HECTD4: variants seen among roughly 807,000 people sequenced by gnomAD.
HECTD4 encodes HECT domain E3 ubiquitin protein ligase 4.
HECTD4 carries 114 observed loss-of-function variants against 471.5 expected under a neutral mutation model. That is an observed-to-expected ratio of 0.24 (90% confidence interval 0.21 to 0.28). HECTD4 has a LOEUF of 0.28. Ranked by LOEUF, HECTD4 falls within the 10% of genes least tolerant of loss-of-function variation. The pLI is 1.00. For missense variants in HECTD4, 3,866 were observed against 5,651.5 expected (o/e 0.68, Z 10.13); for synonymous variants, 2,012 against 2,256.0 (o/e 0.89, Z 3.07).
chr12:112,171,067 G>C (rs756125594), intron 68 of HECTD4, 50 bp downstream of exon 68: 2 of 1,510,928 alleles, frequency 1.3e-6, no homozygotes, highest in Non-Finnish European at 1.8e-6. Flanking sequence ...CTGGTGTCTT[G>C]CAGGTCACCT....
At position 112,328,745 on chromosome 12, in the gene HECTD4, T is replaced by G. The variant is rs567265290; in HGVS notation, c.178-9003A>C. ...ATCCAACTTGGAAATATGTGTTTAT[T>G]CAAACTCACTTTTCAACATCTCTTA... On this transcript the variant is annotated intron_variant, in intron 1 of 75. Transcript: ENST00000682272. Among the ~76,000 whole-genome samples the G allele has an allele frequency of 6.6e-5, 10 of 152,332 alleles. No individual in the cohort carries two copies. The South Asian group carries it at 2.1e-3, about 32-fold the overall frequency.
At chr12:112,289,231 C>T (rs1215101769) in intron 7 of HECTD4, among the ~76,000 whole-genome samples, 1 of 152,142 alleles carries the variant, frequency 6.6e-6, no homozygotes, top group Non-Finnish European at 1.5e-5. Context: ...TACTTACTAG[C>T]TGAGACTACA....
At chr12:112,182,382 AT>A (rs1288616943) in intron 62 of HECTD4, among the ~76,000 whole-genome samples, 22 of 138,306 alleles carry the variant, frequency 1.6e-4, no homozygotes, top group African/African-American at 6.0e-4. Context: ...AAAAAGAGGA[AT>A]TAAAAAAAAA....
intron 41 of HECTD4, among the ~76,000 whole-genome samples, 176 bp downstream of exon 41, chr12:112,229,522 G>A (rs1269497139): frequency 6.6e-6 from 1 of 152,218 alleles, no homozygotes; most frequent in Non-Finnish European, 1.5e-5. Context: ...TCTGAATAAT[G>A]TGTGGCACAG....
chr12:112,167,795 C>T lies in HECTD4; in HGVS notation c.12312+19G>A. 6.2e-7 allele frequency: 1 copy of T among 1,603,606 alleles called. No individual in the cohort carries two copies. The highest frequency in any genetic ancestry group is 8.5e-7 in the Non-Finnish European group (1 of 1,170,658). ...ACATGAGCTCGGGGGCGTGGAGCCTCCTCCCGGCCTCTGCCTACCTTGTTC... is the reference window on the plus strand; with the variant it reads ...ACATGAGCTCGGGGGCGTGGAGCCTTCTCCCGGCCTCTGCCTACCTTGTTC... On this transcript the variant is annotated intron_variant, in intron 71 of 75. Transcript: ENST00000682272.
chr12:112,328,190 G>T (rs1019426982), intron 1 of HECTD4, among the ~76,000 whole-genome samples: 3 of 151,766 alleles, frequency 2.0e-5, no homozygotes, highest in African/African-American at 7.3e-5. Flanking sequence ...CCAGGCTGGA[G>T]TGCAGTGGTG....
intron 1 of HECTD4, among the ~76,000 whole-genome samples, chr12:112,334,034 C>G (rs1403897127): frequency 6.6e-6 from 1 of 151,758 alleles, no homozygotes; most frequent in African/African-American, 2.4e-5. Context: ...TATGGTGAAA[C>G]CCCATCTCTA....
chr12:112,319,783 T>C lies in HECTD4; in HGVS notation c.178-41A>G, dbSNP rs2035548772. 1 of 1,221,910 alleles carries C rather than the reference T, an allele frequency of 8.2e-7. No individual in the cohort carries two copies. Among genetic ancestry groups the C allele is most frequent in the Non-Finnish European group, 1.0e-6 (1 of 975,842 alleles). The allele number at this position is 1,221,910 out of a possible 1,614,324, so 75.7% of individuals were successfully genotyped here. A position where few individuals can be genotyped will look rare whatever the true frequency, so the allele number is the denominator to read the frequency against. ...ATGGAGAAGTGGGTAAATATTACTT[T>C]CACCAAAGTCATCTAAGGAAGAAAA... On this transcript the variant is annotated intron_variant, in intron 1 of 75. Transcript: ENST00000682272. The surrounding 1 kb of genome is among the most constrained non-coding windows in gnomAD (Gnocchi z 5.3).
chr12:112,369,024 G>A (rs1003107288), intron 1 of HECTD4, among the ~76,000 whole-genome samples: 9 of 152,086 alleles, frequency 5.9e-5, no homozygotes, highest in African/African-American at 9.7e-5. Context: ...CAGCTCCCTC[G>A]CTCTCCTGGT....
Position 112,228,745 on chromosome 12 carries a change from C to T in HECTD4, c.6586G>A (p.Ala2196Thr). The change falls in exon 42 of 76, where the codon GCT (alanine) becomes ACT (threonine). Residue 2196 changes from alanine (A) to threonine (T), a missense_variant. Coordinates refer to ENST00000682272, the MANE Select transcript of HECTD4 (RefSeq NM_001388303.1). This position sits in a 1 kb window ranked among gnomAD's most constrained non-coding sequence, Gnocchi z 4.9. ...TCTATGGGTGGGAATCTGACTGTAG[C>T]TATACCTTCCTGTTCATTGATAGAA... ...VASINEQEGI[A>T]TVRFPPIDCR... 1 of 1,613,670 alleles carries T rather than the reference C, an allele frequency of 6.2e-7. No homozygotes were observed. Among genetic ancestry groups the T allele is most frequent in the Non-Finnish European group, 8.5e-7 (1 of 1,179,754 alleles).
At chr12:112,279,152 A>C in intron 9 of HECTD4, 76 bp downstream of exon 9, 1 of 1,319,108 alleles carries the variant, frequency 7.6e-7, no homozygotes. Context: ...GTAAGTTTTA[A>C]ATAATTAATA....
intron 29 of HECTD4, 87 bp downstream of exon 29, chr12:112,246,814 C>CA (rs1463400684): frequency 2.4e-6 from 3 of 1,232,340 alleles, no homozygotes; most frequent in East Asian, 5.5e-5. Flanking sequence ...GTGAATTTTT[C>CA]AAAATATAGC....
intron 1 of HECTD4, among the ~76,000 whole-genome samples, chr12:112,327,311 C>T (rs1030005112): frequency 6.6e-6 from 1 of 151,960 alleles, no homozygotes; most frequent in Non-Finnish European, 1.5e-5. Flanking sequence ...AGCAAAACTC[C>T]ATCTCGGGGA....
chr12:112,356,061 T>C (rs1404035871), intron 1 of HECTD4, among the ~76,000 whole-genome samples: 1 of 152,196 alleles, frequency 6.6e-6, no homozygotes, highest in Non-Finnish European at 1.5e-5. Context: ...TCCTTTATCC[T>C]TAAATTGAGA....
chr12:112,244,123 C>A, intron 29 of HECTD4, 114 bp from the exon 30 acceptor site: 2 of 1,044,636 alleles, frequency 1.9e-6, no homozygotes, highest in Non-Finnish European at 1.4e-6. Flanking sequence ...CACAGTTCAG[C>A]CACCAATCTA....
chr12:112,278,524 T>C (rs1383980307), intron 9 of HECTD4, among the ~76,000 whole-genome samples: 1 of 152,260 alleles, frequency 6.6e-6, no homozygotes. Context: ...ACATTTGCTT[T>C]TCTATGTCTT....
intron 29 of HECTD4, among the ~76,000 whole-genome samples, chr12:112,246,686 G>T (rs2033770574): frequency 1.3e-5 from 2 of 152,110 alleles, no homozygotes; most frequent in African/African-American, 4.8e-5. Flanking sequence ...GGAATTTAAT[G>T]ACATACAAGT....
Position 112,382,221 on chromosome 12 carries a change from C to T in HECTD4, c.-93G>A, listed in dbSNP as rs929631918. ...GCGATCACCAGTCCATGGCAGCGGCCGCCGCGCCCGCCAGCGGCGCCCCAC... is the reference window on the plus strand; with the variant it reads ...GCGATCACCAGTCCATGGCAGCGGCTGCCGCGCCCGCCAGCGGCGCCCCAC... On this transcript the variant is annotated 5_prime_UTR_variant, in exon 1 of 76. Transcript: ENST00000682272. 11 of 1,069,992 alleles carry T rather than the reference C, an allele frequency of 1.0e-5. No individual in the cohort carries two copies. The highest frequency in any genetic ancestry group is 1.3e-5 in the Non-Finnish European group (11 of 848,336). The allele number at this position is 1,069,992 out of a possible 1,614,324, so 66.3% of individuals were successfully genotyped here.
chr12:112,285,022 G>C (rs922195298), intron 7 of HECTD4, among the ~76,000 whole-genome samples: 3 of 152,074 alleles, frequency 2.0e-5, no homozygotes, highest in Non-Finnish European at 4.4e-5. Context: ...ATTTTTTGTA[G>C]AGACAGGGTT....
Sources: gnomAD v4.1 joint callset for allele counts (sites outside exome capture counted in the v4.1 genomes callset) on GRCh38, gnomAD v4.1.1 for gene constraint, Gnocchi (gnomAD v3.1) non-coding constraint, MANE v1.5 for transcripts, NCBI Gene and HGNC (gene_info 2026-07-23, HGNC 2026-07-21) for gene names.